Variants in GRM7 observed in about 807,000 individuals in gnomAD.
GRM7 encodes the protein metabotropic glutamate receptor 7.
A neutral mutation model predicts 84.5 loss-of-function variants in GRM7; 35 were observed. The ratio of observed to expected loss-of-function variants is 0.41; its 90% CI spans 0.32 to 0.55. GRM7 has a LOEUF of 0.55. Among genes scored for constraint, GRM7 ranks in the 20% least tolerant of loss-of-function variants. The pLI, the probability that GRM7 is intolerant of heterozygous loss-of-function variation, is 0.19. For missense variants in GRM7, 1,003 were observed against 1,194.6 expected (o/e 0.84, Z 2.36); for synonymous variants, 487 against 455.1 (o/e 1.07, Z -0.89).
intron 1 of GRM7, among the ~76,000 whole-genome samples, chr3:6,901,604 TAAAAAAAAAAAAAAA>T (rs33945077): frequency 0.21 from 8,864 of 41,806 alleles, 678 homozygotes; most frequent in Admixed American, 0.37. Flanking sequence ...AGACTCCGTC[TAAAAAAAAAAAAAAA>T]AAAAAAAAAA....
chr3:6,914,236 A>C (rs1384316219), intron 1 of GRM7, among the ~76,000 whole-genome samples: 1 of 152,174 alleles, frequency 6.6e-6, no homozygotes, highest in Non-Finnish European at 1.5e-5. Context: ...GCTTCAATGA[A>C]GTTCTTCAAC....
chr3:7,139,302 A>C (rs1316669724), intron 1 of GRM7, among the ~76,000 whole-genome samples: 2 of 151,790 alleles, frequency 1.3e-5, no homozygotes, highest in African/African-American at 4.8e-5. Flanking sequence ...CAATGATATT[A>C]GAATGATCAC....
Position 7,728,206 on chromosome 3 carries a change from C to T in GRM7, c.2699-12151C>T, listed in dbSNP as rs557811988. Among the ~76,000 whole-genome samples, 6 of 152,226 alleles carry T rather than the reference C, an allele frequency of 3.9e-5. No homozygotes were observed. The South Asian group carries it at 6.2e-4, about 16-fold the overall frequency. The stretch of plus-strand genomic sequence containing the variant: ...TCATAAGAGGACATTGTTCCCAGAC[C>T]GAACCGGGTCTGGCTGTGTGTTCTT... On this transcript the variant is annotated intron_variant, in intron 9 of 9. Transcript: ENST00000357716.
chr3:7,623,024 G>C (rs1272521866), intron 8 of GRM7, among the ~76,000 whole-genome samples: 1 of 152,188 alleles, frequency 6.6e-6, no homozygotes, highest in Non-Finnish European at 1.5e-5. Context: ...CAAATGCCAT[G>C]TGGCAGTCTT....
At chr3:7,724,086 G>A (rs1702040712) in intron 9 of GRM7, among the ~76,000 whole-genome samples, 1 of 152,088 alleles carries the variant, frequency 6.6e-6, no homozygotes, top group Admixed American at 6.5e-5. Context: ...GAGCTGTTGT[G>A]AGCCTGATAT....
rs117625282 is a variant in GRM7 at position 7,133,105 on chromosome 3, T to A, written c.520-13347T>A. 4.9e-3 allele frequency among the ~76,000 whole-genome samples: 751 copies of A among 152,266 alleles called. 19 individuals are homozygous for A. In the East Asian group the frequency reaches 0.071, roughly 14 times the overall value. ...CGGACTCAGCACTGCAGCTGTGTTG[T>A]CATTGTGCATTCTACTGAGACACGA... is the stretch of plus-strand genomic sequence containing the variant. On this transcript the variant is annotated intron_variant, in intron 1 of 9. Coordinates refer to ENST00000357716, the MANE Select transcript of GRM7 (RefSeq NM_000844.4).
At chr3:7,607,015 C>G (rs1160307645) in intron 8 of GRM7, 1 of 152,044 alleles carries the variant, frequency 6.6e-6, no homozygotes, top group South Asian at 2.1e-4. Flanking sequence ...ATTGAGAAAG[C>G]TTTGCTAGTA....
chr3:7,538,739 A>G (rs1692703147), intron 7 of GRM7, among the ~76,000 whole-genome samples: 1 of 152,214 alleles, frequency 6.6e-6, no homozygotes, highest in South Asian at 2.1e-4. Context: ...AACTAAACAC[A>G]GTTTAATCGG....
chr3:6,889,826 CT>C, intron 1 of GRM7, among the ~76,000 whole-genome samples: 1 of 152,290 alleles, frequency 6.6e-6, no homozygotes, highest in African/African-American at 2.4e-5. Context: ...CCTCCTTGTA[CT>C]TCTGGTAGAA....
chr3:7,686,487 T>TTGTC (rs1236618049), intron 9 of GRM7: 2 of 856,842 alleles, frequency 2.3e-6, no homozygotes, highest in African/African-American at 3.3e-5. Flanking sequence ...TTATGTGTTC[T>TTGTC]TGTCTCCAAT....
At chr3:6,971,077 T>A (rs1042222848) in intron 1 of GRM7, among the ~76,000 whole-genome samples, 3 of 151,866 alleles carry the variant, frequency 2.0e-5, no homozygotes, top group African/African-American at 7.3e-5. Context: ...AATGAAGTGA[T>A]TGGACTCTAG....
chr3:7,138,052 C>T (rs1363939280), intron 1 of GRM7, among the ~76,000 whole-genome samples: 1 of 151,854 alleles, frequency 6.6e-6, no homozygotes, highest in African/African-American at 2.4e-5. Context: ...AAAAATATTC[C>T]TGTGTTTCTA....
intron 8 of GRM7, among the ~76,000 whole-genome samples, chr3:7,679,737 G>A (rs1362716438): frequency 2.0e-5 from 3 of 152,108 alleles, no homozygotes; most frequent in African/African-American, 7.2e-5. Flanking sequence ...TGGTCTTCAT[G>A]TCTTTATATT....
rs572629638 is a variant in GRM7, at chr3:7,151,349, G to A, written c.736+4681G>A. Among the ~76,000 whole-genome samples, 6 of 152,148 alleles carry A rather than the reference G, an allele frequency of 3.9e-5. No individual in the cohort carries two copies. The highest frequency in any genetic ancestry group is 2.0e-4 in the Admixed American group (3 of 15,266). On this transcript the variant is annotated intron_variant, in intron 2 of 9. Coordinates refer to ENST00000357716, the MANE Select transcript of GRM7 (RefSeq NM_000844.4). This position sits in a 1 kb window ranked among gnomAD's most constrained non-coding sequence, Gnocchi z 4.5. ...TTGAACCCAGGAGGCGGAGGTTGCA[G>A]TGAGCCGAGATTGCACCACTGCACT...
At chr3:7,470,134 T>C (rs1698639516) in intron 7 of GRM7, among the ~76,000 whole-genome samples, 1 of 152,164 alleles carries the variant, frequency 6.6e-6, no homozygotes, top group Non-Finnish European at 1.5e-5. Context: ...ATAATCCCCC[T>C]AACTCCCACT....
rs147664855 is a variant in GRM7 at position 7,292,049 on chromosome 3, G to A, written c.737-6635G>A. Among the ~76,000 whole-genome samples the A allele has an allele frequency of 2.3e-3, 356 of 152,230 alleles. 1 individual carries two copies. In the Middle Eastern group the frequency reaches 0.024, roughly 10 times the overall value. ...TTTCTGCCTTCTGCCATGATCGTGA[G>A]GCCTCCACAGCCATGTGGAACTGTG... On this transcript the variant is annotated intron_variant, in intron 2 of 9. Transcript: ENST00000357716.
At chr3:6,871,926 TA>T (rs1005968198) in intron 1 of GRM7, among the ~76,000 whole-genome samples, 6 of 151,910 alleles carry the variant, frequency 3.9e-5, no homozygotes, top group Non-Finnish European at 7.4e-5. Flanking sequence ...AAATTAAGAT[TA>T]AAAAAAATCC....
intron 8 of GRM7, among the ~76,000 whole-genome samples, chr3:7,678,421 G>C (rs1700224478): frequency 6.6e-6 from 1 of 152,106 alleles, no homozygotes; most frequent in Non-Finnish European, 1.5e-5. Context: ...CTAAGCCATG[G>C]TTTGCAAATC....
intron 2 of GRM7, among the ~76,000 whole-genome samples, chr3:7,189,816 C>G (rs1288022699): frequency 6.6e-6 from 1 of 152,074 alleles, no homozygotes; most frequent in Non-Finnish European, 1.5e-5. Context: ...AAACATAAAG[C>G]ATCATAGAGA....
Sources: gnomAD v4.1 joint callset for allele counts (sites outside exome capture counted in the v4.1 genomes callset) on GRCh38, gnomAD v4.1.1 for gene constraint, Gnocchi (gnomAD v3.1) non-coding constraint, MANE v1.5 for transcripts, NCBI Gene and HGNC (gene_info 2026-07-23, HGNC 2026-07-21) for gene names.